Variants in LRP1B observed in about 807,000 individuals in gnomAD.
LRP1B encodes low-density lipoprotein receptor-related protein 1B.
A neutral mutation model predicts 556.6 loss-of-function variants in LRP1B; 217 were observed. The observed-to-expected ratio is 0.39, with a 90% CI of 0.35 to 0.44. LRP1B has a LOEUF of 0.44. Ranked by LOEUF, LRP1B falls within the 20% of genes least tolerant of loss-of-function variation. LRP1B has a pLI of 1.00. For synonymous variants in LRP1B, 2,047 were observed against 1,865.8 expected, an observed-to-expected ratio of 1.10 and a Z score of -2.50; for missense variants, 5,053 against 5,620.8, an observed-to-expected ratio of 0.90 and a Z score of 3.23.
intron 1 of LRP1B, among the ~76,000 whole-genome samples, chr2:141,856,861 A>T (rs1698068636): frequency 6.6e-6 from 1 of 152,056 alleles, no homozygotes; most frequent in Admixed American, 6.6e-5. Context: ...TCAAGTTTAA[A>T]CTTGTATTAT....
intron 2 of LRP1B, among the ~76,000 whole-genome samples, chr2:141,506,050 T>A (rs1207429661): frequency 6.6e-6 from 1 of 152,034 alleles, no homozygotes; most frequent in African/African-American, 2.4e-5. Context: ...GGGATAGAAA[T>A]TCCTAATCAT....
At chr2:140,769,156 T>G in intron 35 of LRP1B, 57 bp downstream of exon 35, 1 of 1,478,110 alleles carries the variant, frequency 6.8e-7, no homozygotes. Flanking sequence ...ATTCCCATCA[T>G]GTTTAATAAA....
chr2:141,525,684 C>T (rs1031741633), intron 2 of LRP1B, among the ~76,000 whole-genome samples: 3 of 151,852 alleles, frequency 2.0e-5, no homozygotes, highest in African/African-American at 7.3e-5. Context: ...AACTGATATG[C>T]CATACTAAGT....
At chr2:141,690,250 C>T (rs1030609703) in intron 2 of LRP1B, among the ~76,000 whole-genome samples, 1 of 150,846 alleles carries the variant, frequency 6.6e-6, no homozygotes, top group Non-Finnish European at 1.5e-5. Context: ...TTATGCTTTA[C>T]AAGCATGCTG....
At chr2:141,047,890 G>A (rs1021422956) in intron 11 of LRP1B, among the ~76,000 whole-genome samples, 11 of 152,016 alleles carry the variant, frequency 7.2e-5, no homozygotes, top group Non-Finnish European at 1.3e-4. Context: ...ACCATCTCCT[G>A]CCGAAGGAGT....
At chr2:141,531,677 CTCA>C (rs1684876052) in intron 2 of LRP1B, among the ~76,000 whole-genome samples, 1 of 152,070 alleles carries the variant, frequency 6.6e-6, no homozygotes, top group South Asian at 2.1e-4. Flanking sequence ...GCAAAACAAA[CTCA>C]TCATGTTACA....
At chr2:142,066,528 C>T (rs1182834737) in intron 1 of LRP1B, among the ~76,000 whole-genome samples, 1 of 151,492 alleles carries the variant, frequency 6.6e-6, no homozygotes, top group Non-Finnish European at 1.5e-5. Context: ...CCTTATGATT[C>T]TTCATTAGCA....
At chr2:140,512,197 T>G (rs1200514106) in intron 51 of LRP1B, among the ~76,000 whole-genome samples, 1 of 152,144 alleles carries the variant, frequency 6.6e-6, no homozygotes, top group Non-Finnish European at 1.5e-5. Context: ...ATCTTTAAAA[T>G]GATGGGTATG....
chr2:141,966,706 G>A (rs1296736089), intron 1 of LRP1B, among the ~76,000 whole-genome samples: 1 of 151,566 alleles, frequency 6.6e-6, no homozygotes, highest in Non-Finnish European at 1.5e-5. Context: ...AGAGTCTTCA[G>A]TACAAATGGT....
At chr2:141,876,124 G>A (rs1698750236) in intron 1 of LRP1B, among the ~76,000 whole-genome samples, 1 of 151,684 alleles carries the variant, frequency 6.6e-6, no homozygotes, top group Admixed American at 6.6e-5. Flanking sequence ...ACTCCTTTTT[G>A]GAAAATCTGA....
intron 7 of LRP1B, among the ~76,000 whole-genome samples, chr2:141,122,458 T>G (rs1164541234): frequency 6.7e-6 from 1 of 148,830 alleles, no homozygotes; most frequent in Non-Finnish European, 1.5e-5. Flanking sequence ...CAGACACTTC[T>G]CAAAAGAAGA....
intron 60 of LRP1B, among the ~76,000 whole-genome samples, chr2:140,460,625 C>T (rs1346377029): frequency 6.6e-6 from 1 of 152,108 alleles, no homozygotes; most frequent in Non-Finnish European, 1.5e-5. Flanking sequence ...ATAAATCTTT[C>T]ATTTACAGGT....
intron 3 of LRP1B, among the ~76,000 whole-genome samples, chr2:141,378,822 C>G (rs6738632): frequency 0.027 from 4,102 of 152,222 alleles, 185 homozygotes; most frequent in African/African-American, 0.093. Flanking sequence ...ATTATTCAGT[C>G]TGAAGAGCTG....
intron 3 of LRP1B, among the ~76,000 whole-genome samples, chr2:141,339,688 A>C (rs923269029): frequency 6.6e-6 from 1 of 152,240 alleles, no homozygotes; most frequent in African/African-American, 2.4e-5. Flanking sequence ...CGTGGTTTCA[A>C]CATGAAGTCA....
chr2:141,873,615 A>C (rs1050952807), intron 1 of LRP1B, among the ~76,000 whole-genome samples: 13 of 152,006 alleles, frequency 8.6e-5, no homozygotes, highest in African/African-American at 2.9e-4. Context: ...TCTGGAAATA[A>C]GAATACTATA....
intron 41 of LRP1B, among the ~76,000 whole-genome samples, chr2:140,660,322 AT>A (rs2105338514): frequency 6.6e-6 from 1 of 151,944 alleles, no homozygotes; most frequent in East Asian, 1.9e-4. Context: ...TTATATGTCA[AT>A]TTTTATTGTT....
At chr2:141,468,623 T>C (rs35839910) in intron 3 of LRP1B, among the ~76,000 whole-genome samples, 104,237 of 152,116 alleles carry the variant, frequency 0.69, 37,168 homozygotes, top group East Asian at 0.83. Flanking sequence ...CAAACTTCTT[T>C]GAGACCACTA....
intron 11 of LRP1B, among the ~76,000 whole-genome samples, chr2:141,037,135 C>A (rs1403070992): frequency 5.9e-5 from 9 of 151,906 alleles, no homozygotes; most frequent in Non-Finnish European, 1.2e-4. Context: ...GGCTGACATG[C>A]AGGAAATATT....
intron 43 of LRP1B, among the ~76,000 whole-genome samples, chr2:140,587,949 T>C (rs1436548694): frequency 6.6e-6 from 1 of 152,154 alleles, no homozygotes; most frequent in East Asian, 1.9e-4. Context: ...TTCTCAAATA[T>C]GAAATGAAAA....
Sources: gnomAD v4.1 joint callset for allele counts (sites outside exome capture counted in the v4.1 genomes callset) on GRCh38, gnomAD v4.1.1 for gene constraint, MANE v1.5 for transcripts, NCBI Gene and HGNC (gene_info 2026-07-23, HGNC 2026-07-21) for gene names.